Variants in RABGEF1 observed in about 807,000 individuals in gnomAD.
The protein encoded by RABGEF1 is rab5 GDP/GTP exchange factor.
Under a neutral mutation model 57.3 loss-of-function variants are expected in RABGEF1, and 26 were observed. The ratio of observed to expected loss-of-function variants is 0.45; its 90% confidence interval spans 0.33 to 0.63. RABGEF1 has a LOEUF of 0.63. RABGEF1 is among the 20% of genes least tolerant of loss of function. RABGEF1 has a pLI of 0.02. For missense variants in RABGEF1, 464 were observed against 607.6 expected, an observed-to-expected ratio of 0.76 and a Z score of 2.48; for synonymous variants, 185 against 210.7, an observed-to-expected ratio of 0.88 and a Z score of 1.06.
Position 66,756,073 on chromosome 7 carries a change from T to A in RABGEF1, c.-18+15281T>A, listed in dbSNP as rs532996394. On this transcript the variant is annotated intron_variant, in intron 1 of 8. Coordinates refer to ENST00000284957, the MANE Select transcript of RABGEF1 (RefSeq NM_014504.3). ...TTAGAATGATGGCGTCTTCATACCA[T>A]GAAGGTGAGTACTGAAAGATATATA... 6 of 1,494,004 alleles carry A rather than the reference T, an allele frequency of 4.0e-6. No individual in the cohort carries two copies. The South Asian group carries it at 6.5e-5, about 16-fold the overall frequency. The allele number at this position is 1,494,004 out of a possible 1,614,324, so 92.5% of individuals were successfully genotyped here.
At chr7:66,780,216 G>A (rs1025320704) in intron 3 of RABGEF1, among the ~76,000 whole-genome samples, 4 of 152,106 alleles carry the variant, frequency 2.6e-5, no homozygotes, top group Non-Finnish European at 5.9e-5. Flanking sequence ...CAGTCCTCTG[G>A]CTTACTGAGG....
intron 1 of RABGEF1, among the ~76,000 whole-genome samples, chr7:66,693,672 C>A (rs1249366417): frequency 6.6e-6 from 1 of 152,230 alleles, no homozygotes; most frequent in African/African-American, 2.4e-5. Context: ...TGCTAGGGCC[C>A]AGGGCTGGGA....
At chr7:66,667,786 ATTTATTTATTTG>A in the RABGEF1 span, among the ~76,000 whole-genome samples, 1 of 151,958 alleles carries the variant, frequency 6.6e-6, no homozygotes, top group African/African-American at 2.4e-5. Context: ...CATTTTACTT[ATTTATTTATTTG>A]TTTATTTATT....
At chr7:66,743,899 G>A (rs1323303620) in intron 1 of RABGEF1, among the ~76,000 whole-genome samples, 1 of 152,032 alleles carries the variant, frequency 6.6e-6, no homozygotes, top group Non-Finnish European at 1.5e-5. Flanking sequence ...CCAAAGTGTT[G>A]GGATTACAAA....
At chr7:66,664,545 A>C in the RABGEF1 span, among the ~76,000 whole-genome samples, 1 of 151,994 alleles carries the variant, frequency 6.6e-6, no homozygotes, top group Non-Finnish European at 1.5e-5. Context: ...TTGAGGCTGC[A>C]GTGAGCCATG....
the RABGEF1 span, among the ~76,000 whole-genome samples, chr7:66,659,791 TAAATAA>T: frequency 2.0e-4 from 29 of 148,156 alleles, no homozygotes; most frequent in African/African-American, 6.7e-4. Context: ...AAAAAATAAA[TAAATAA>T]AAATAAAAAA....
intron 1 of RABGEF1, among the ~76,000 whole-genome samples, chr7:66,699,005 C>T (rs1224221635): frequency 6.6e-6 from 1 of 152,182 alleles, no homozygotes; most frequent in East Asian, 1.9e-4. Flanking sequence ...TCCTTCAGTC[C>T]CACATGCAGC....
At chr7:66,797,352 T>C (rs1562873653) in intron 5 of RABGEF1, 22 bp from the exon 6 acceptor site, 1 of 1,584,470 alleles carries the variant, frequency 6.3e-7, no homozygotes, top group Non-Finnish European at 8.5e-7. Context: ...ATCTTGATCT[T>C]TTCTCTGTCT....
intron 4 of RABGEF1, among the ~76,000 whole-genome samples, chr7:66,787,336 ATTTTTTTTTT>A (rs973607816): frequency 1.1e-5 from 1 of 88,110 alleles, no homozygotes; most frequent in Admixed American, 1.3e-4. Context: ...GCCTGGCCTG[ATTTTTTTTTT>A]TTTTTTTTTT....
the RABGEF1 span, among the ~76,000 whole-genome samples, chr7:66,662,866 C>T: frequency 6.6e-6 from 1 of 151,480 alleles, no homozygotes; most frequent in Admixed American, 6.6e-5. Flanking sequence ...TGTGTATGTA[C>T]AGACGTGTGT....
chr7:66,757,481 A>AT (rs1803041618), intron 1 of RABGEF1, among the ~76,000 whole-genome samples: 1 of 152,202 alleles, frequency 6.6e-6, no homozygotes, highest in South Asian at 2.1e-4. Context: ...GAAATGATTT[A>AT]TTTTTACTTA....
Position 66,799,798 on chromosome 7 carries a change from G to A in RABGEF1, c.820+384G>A, listed in dbSNP as rs1786856114. 3.9e-5 allele frequency among the ~76,000 whole-genome samples: 6 copies of A among 152,228 alleles called. No individual in the cohort carries two copies. In the South Asian group the frequency reaches 1.0e-3, roughly 26 times the overall value. On this transcript the variant is annotated intron_variant, in intron 7 of 8. Coordinates refer to ENST00000284957, the MANE Select transcript of RABGEF1 (RefSeq NM_014504.3). ...TTCAAAATAATTTTGGATAGAGGAA[G>A]GGAACTGGTAAGGCAAGGTAATCCC...
At chr7:66,721,679 T>C (rs1344410157) in intron 2 of RABGEF1, among the ~76,000 whole-genome samples, 1 of 152,112 alleles carries the variant, frequency 6.6e-6, no homozygotes, top group Non-Finnish European at 1.5e-5. Flanking sequence ...TCAAGATCCT[T>C]AATTTAGGCT....
chr7:66,668,042 C>T, the RABGEF1 span, among the ~76,000 whole-genome samples: 2 of 152,152 alleles, frequency 1.3e-5, no homozygotes, highest in Non-Finnish European at 2.9e-5. Flanking sequence ...AGGTGATCTA[C>T]CGGCCTTGGC....
Position 66,805,206 on chromosome 7 carries a change from A to G in RABGEF1, c.887A>G (p.Lys296Arg), listed in dbSNP as rs1788170532. 3 of 1,613,964 alleles carry G rather than the reference A, an allele frequency of 1.9e-6. No homozygotes were observed. The highest frequency in any genetic ancestry group is 2.2e-5 in the East Asian group (1 of 44,888). The change falls in exon 8 of 9, where the codon AAG becomes AGG. Residue 296 changes from lysine (K) to arginine (R), a missense_variant. Coordinates refer to ENST00000284957, the MANE Select transcript of RABGEF1 (RefSeq NM_014504.3). ...CTGGCCTGCATCACCAAGTGCAGCA[A>G]GCACATCTTCAATGCCATCAAGATC... Reference protein sequence around the residue: ...DKLACITKCSKHIFNAIKITK... With the variant: ...DKLACITKCSRHIFNAIKITK...
At chr7:66,716,745 G>C (rs919701281) in intron 2 of RABGEF1, among the ~76,000 whole-genome samples, 3 of 152,080 alleles carry the variant, frequency 2.0e-5, no homozygotes, top group African/African-American at 7.2e-5. Flanking sequence ...CTTGGATTTA[G>C]GTCTATCATT....
At chr7:66,692,660 A>G (rs1006679605) in intron 1 of RABGEF1, among the ~76,000 whole-genome samples, 5 of 152,154 alleles carry the variant, frequency 3.3e-5, no homozygotes, top group Admixed American at 2.6e-4. Context: ...GGGGAGTCAG[A>G]GGCCCTGGTC....
intron 6 of RABGEF1, among the ~76,000 whole-genome samples, chr7:66,798,188 T>C (rs551917487): frequency 3.3e-5 from 5 of 152,282 alleles, no homozygotes; most frequent in African/African-American, 1.2e-4. Flanking sequence ...CAGCATTCCC[T>C]AGTCACATCT....
At position 66,775,136 on chromosome 7, in the gene RABGEF1, A is replaced by C. The variant is rs1376662010; in HGVS notation, c.180-91A>C. 2.2e-6 allele frequency: 3 copies of C among 1,374,788 alleles called. No homozygotes were observed. In the African/African-American group the frequency reaches 4.4e-5, roughly 20 times the overall value. The allele number at this position is 1,374,788 out of a possible 1,614,324, so 85.2% of individuals were successfully genotyped here. Reference sequence around the variant, plus strand: ...TTTAGTCTCTAGGTCTAAAATCTTTAGATCCTCCTGAATTAATGGAGTAAT... The same window carrying C: ...TTTAGTCTCTAGGTCTAAAATCTTTCGATCCTCCTGAATTAATGGAGTAAT... On this transcript the variant is annotated intron_variant, in intron 2 of 8. Transcript: ENST00000284957.
Sources: gnomAD v4.1 joint callset for allele counts (sites outside exome capture counted in the v4.1 genomes callset) on GRCh38, gnomAD v4.1.1 for gene constraint, MANE v1.5 for transcripts, NCBI Gene and HGNC (gene_info 2026-07-23, HGNC 2026-07-21) for gene names.